SYBU: variants seen among roughly 807,000 people sequenced by gnomAD.
SYBU encodes GOLSYN A protein.
Under a neutral mutation model 35.9 loss-of-function variants are expected in SYBU, and 21 were observed. The observed-to-expected ratio is 0.58, with a 90% CI of 0.41 to 0.84. The LOEUF is 0.84. SYBU is among the 40% of genes least tolerant of loss of function. The probability of loss-of-function intolerance (pLI) is 0.00; values close to 1 mark genes in which losing one functional copy is unlikely to be tolerated. For synonymous variants in SYBU, 319 were observed against 324.3 expected (o/e 0.98, Z 0.18); for missense variants, 768 against 848.2 (o/e 0.91, Z 1.17).
At chr8:109,668,165 G>GAGAGAGAGAAAGGGGAGA (rs1554628117) in intron 1 of SYBU, among the ~76,000 whole-genome samples, 4 of 89,048 alleles carry the variant, frequency 4.5e-5, no homozygotes, top group African/African-American at 1.9e-4. Flanking sequence ...GGGGAGAGGG[G>GAGAGAGAGAAAGGGGAGA]GAGAGAGAGA....
At chr8:109,597,874 T>C (rs190209066) in intron 3 of SYBU, among the ~76,000 whole-genome samples, 1 of 152,362 alleles carries the variant, frequency 6.6e-6, no homozygotes, top group Non-Finnish European at 1.5e-5. Context: ...TAAATGTCTG[T>C]TGAGCGAGTC....
chr8:109,601,990 G>A (rs1825583505), intron 3 of SYBU, among the ~76,000 whole-genome samples: 1 of 152,160 alleles, frequency 6.6e-6, no homozygotes, highest in Non-Finnish European at 1.5e-5. Context: ...ATCTGAAGGA[G>A]AGACTGGAGG....
chr8:109,619,066 T>C (rs1011640893), intron 2 of SYBU, 27 bp from the exon 3 acceptor site: 8 of 1,578,376 alleles, frequency 5.1e-6, no homozygotes, highest in South Asian at 1.1e-5. Flanking sequence ...AATAAGTGTT[T>C]AATGATGAGG....
chr8:109,615,465 G>T (rs1413427062), intron 3 of SYBU, among the ~76,000 whole-genome samples: 1 of 152,020 alleles, frequency 6.6e-6, no homozygotes, highest in Non-Finnish European at 1.5e-5. Context: ...AGACTGACAG[G>T]TTTTTTCTGC....
chr8:109,651,018 A>G (rs971776363), intron 1 of SYBU, among the ~76,000 whole-genome samples: 3 of 152,210 alleles, frequency 2.0e-5, no homozygotes, highest in South Asian at 4.1e-4. Flanking sequence ...ATGGCAAGTG[A>G]AGTTACTACT....
At chr8:109,664,900 G>GCTTTAACACTGT (rs1168105835) in intron 1 of SYBU, among the ~76,000 whole-genome samples, 1 of 152,106 alleles carries the variant, frequency 6.6e-6, no homozygotes, top group Non-Finnish European at 1.5e-5. Context: ...GCATAAATGG[G>GCTTTAACACTGT]GAAATGGGGC....
intron 1 of SYBU, among the ~76,000 whole-genome samples, chr8:109,689,269 A>G (rs3935694): frequency 0.13 from 19,521 of 152,134 alleles, 1,403 homozygotes; most frequent in African/African-American, 0.19. Context: ...TCAAAGCCAG[A>G]AAACTGACAT....
chr8:109,596,322 C>A (rs757655187), intron 3 of SYBU, among the ~76,000 whole-genome samples: 8 of 152,166 alleles, frequency 5.3e-5, no homozygotes, highest in African/African-American at 9.7e-5. Context: ...CCATGCAAGG[C>A]TATCTTTAAT....
At chr8:109,630,585 A>G (rs1305165068) in intron 2 of SYBU, among the ~76,000 whole-genome samples, 1 of 152,196 alleles carries the variant, frequency 6.6e-6, no homozygotes, top group East Asian at 1.9e-4. Context: ...AACTGAAAGC[A>G]TTTATTTACA....
chr8:109,644,921 G>T, upstream of SYBU: 1 of 543,566 alleles, frequency 1.8e-6, no homozygotes, highest in South Asian at 2.0e-5. Context: ...TCCCTCACCT[G>T]CGGCCTTCGG....
chr8:109,619,348 C>T (rs945931019), intron 2 of SYBU, among the ~76,000 whole-genome samples: 3 of 152,072 alleles, frequency 2.0e-5, no homozygotes, highest in African/African-American at 7.2e-5. Context: ...CTCAGCCTCC[C>T]AAGTAGCTGG....
chr8:109,649,253 C>T (rs1318002337), upstream of SYBU, among the ~76,000 whole-genome samples: 2 of 151,972 alleles, frequency 1.3e-5, no homozygotes, highest in Non-Finnish European at 2.9e-5. Flanking sequence ...CTGCCCGCCT[C>T]GGCCTCCCAA....
chr8:109,676,247 C>T (rs975300192), intron 1 of SYBU, among the ~76,000 whole-genome samples: 27 of 152,204 alleles, frequency 1.8e-4, no homozygotes, highest in African/African-American at 6.0e-4. Flanking sequence ...TACCCTCCGT[C>T]ATCACTCCTA....
chr8:109,620,464 G>T (rs1426571766), intron 2 of SYBU, among the ~76,000 whole-genome samples: 1 of 152,132 alleles, frequency 6.6e-6, no homozygotes, highest in Non-Finnish European at 1.5e-5. Context: ...TCTAAAGAAA[G>T]AATTACCATT....
At chr8:109,679,555 G>A (rs373546132) in intron 1 of SYBU, among the ~76,000 whole-genome samples, 164 of 152,288 alleles carry the variant, frequency 1.1e-3, no homozygotes, top group Non-Finnish European at 1.6e-3. Flanking sequence ...CACAATAATG[G>A]CACTATTCTT....
chr8:109,608,150 A>G, intron 3 of SYBU: 1 of 512,578 alleles, frequency 2.0e-6, no homozygotes, highest in Non-Finnish European at 3.4e-6. Context: ...ATCAGGGAAG[A>G]GCACAGGGCC....
At chr8:109,647,719 A>G (rs921433208), upstream of SYBU, 2 of 152,366 alleles carry the variant, frequency 1.3e-5, 1 homozygote, top group Middle Eastern at 6.8e-3. Context: ...TGCCTCCACA[A>G]TGTATTTGTA....
chr8:109,672,214 T>C (rs1401712336), intron 1 of SYBU, among the ~76,000 whole-genome samples: 1 of 152,106 alleles, frequency 6.6e-6, no homozygotes, highest in African/African-American at 2.4e-5. Flanking sequence ...ATACATTATG[T>C]AATTTAAAAG....
chr8:109,644,989 C>T (rs1475821764), upstream of SYBU: 5 of 492,878 alleles, frequency 1.0e-5, no homozygotes, highest in Non-Finnish European at 1.9e-5. Flanking sequence ...CGGCACTCCG[C>T]GCCCCCCCAG....
Sources: gnomAD v4.1 joint callset for allele counts (sites outside exome capture counted in the v4.1 genomes callset) on GRCh38, gnomAD v4.1.1 for gene constraint, MANE v1.5 for transcripts, NCBI Gene and HGNC (gene_info 2026-07-23, HGNC 2026-07-21) for gene names.